SPOCK1: variants seen among roughly 807,000 people sequenced by gnomAD.
SPOCK1 encodes testican-1.
In SPOCK1, 23 loss-of-function variants were observed where a neutral mutation model predicts 55.3. The observed-to-expected ratio is 0.42, with a 90% confidence interval of 0.30 to 0.59. The LOEUF (loss-of-function observed/expected upper bound fraction) is 0.59. Among genes scored for constraint, SPOCK1 ranks in the 20% least tolerant of loss-of-function variants. The pLI is 0.22. For synonymous variants in SPOCK1, 226 were observed against 221.0 expected, an observed-to-expected ratio of 1.02 and a Z score of -0.20; for missense variants, 499 against 552.5, an observed-to-expected ratio of 0.90 and a Z score of 0.97.
At chr5:137,254,725 G>C (rs1756601254) in intron 3 of SPOCK1, among the ~76,000 whole-genome samples, 1 of 152,176 alleles carries the variant, frequency 6.6e-6, no homozygotes, top group Non-Finnish European at 1.5e-5. Flanking sequence ...TCCATCATTT[G>C]CCTGTGGGGT....
intron 3 of SPOCK1, among the ~76,000 whole-genome samples, chr5:137,217,638 A>G (rs2127085667): frequency 2.0e-5 from 3 of 152,366 alleles, no homozygotes; most frequent in Middle Eastern, 6.8e-3. Context: ...TGGCAAAGTC[A>G]GCCACTGTTA....
chr5:137,081,347 A>C (rs1454822792), intron 5 of SPOCK1, among the ~76,000 whole-genome samples: 5 of 152,244 alleles, frequency 3.3e-5, no homozygotes, highest in African/African-American at 1.2e-4. Flanking sequence ...GAGAGGCAGT[A>C]TTCCATCCCT....
chr5:136,999,642 G>A (rs1255557240), intron 6 of SPOCK1, among the ~76,000 whole-genome samples: 4 of 152,152 alleles, frequency 2.6e-5, no homozygotes, highest in African/African-American at 9.7e-5. Context: ...GGAAGAAAAG[G>A]AAACAATCAG....
intron 2 of SPOCK1, among the ~76,000 whole-genome samples, chr5:137,384,563 C>CATATATATATATATATATATAT (rs368458010): frequency 4.5e-5 from 6 of 133,472 alleles, no homozygotes; most frequent in African/African-American, 2.1e-4. Flanking sequence ...TACATACATA[C>CATATATATATATATATATATAT]ATATATATAT....
rs377143208 is a variant in SPOCK1 at position 137,153,671 on chromosome 5, T to G, written c.233-12977A>C. On this transcript the variant is annotated intron_variant, in intron 3 of 10. Coordinates refer to ENST00000394945, the MANE Select transcript of SPOCK1 (RefSeq NM_004598.4). ...GAGTTCAAGACCAGCCTGGGCAACA[T>G]AGCAAAACCCTGTCTCTACAAAATT... Among the ~76,000 whole-genome samples the G allele has an allele frequency of 2.1e-4, 32 of 151,306 alleles. 2 individuals are homozygous for G. Among genetic ancestry groups the G allele is most frequent in the Admixed American group, 1.2e-3 (19 of 15,228 alleles).
chr5:137,498,265 AC>A, intron 2 of SPOCK1, 107 bp downstream of exon 2: 1 of 915,210 alleles, frequency 1.1e-6, no homozygotes. Context: ...CCCCCTCCCA[AC>A]CACACACACA....
At chr5:137,425,444 G>A (rs1210002200) in intron 2 of SPOCK1, among the ~76,000 whole-genome samples, 3 of 151,334 alleles carry the variant, frequency 2.0e-5, no homozygotes, top group African/African-American at 7.3e-5. Flanking sequence ...AAATCCTGCT[G>A]ACAAATTCAT....
At chr5:137,424,158 T>C (rs774969702) in intron 2 of SPOCK1, among the ~76,000 whole-genome samples, 5 of 152,006 alleles carry the variant, frequency 3.3e-5, no homozygotes, top group Non-Finnish European at 5.9e-5. Flanking sequence ...GGCAGGAGGA[T>C]TGCTTTAAGT....
chr5:137,498,370 C>T lies in SPOCK1; in HGVS notation c.186+3G>A. 1.3e-6 allele frequency: 2 copies of T among 1,592,944 alleles called. No homozygotes were observed. Among genetic ancestry groups the T allele is most frequent in the South Asian group, 1.1e-5 (1 of 88,438 alleles). The stretch of plus-strand genomic sequence containing the variant: ...CCCAGGGCCGGGTGGCGCCGGTACT[C>T]ACGTCTCGAAAGCGGTTCCAGTACT... On this transcript the variant is annotated splice_donor_region_variant and intron_variant, in intron 2 of 10. Transcript: ENST00000394945.
intron 3 of SPOCK1, among the ~76,000 whole-genome samples, chr5:137,173,218 A>C (rs559550987): frequency 1.1e-4 from 16 of 152,216 alleles, no homozygotes; most frequent in African/African-American, 3.9e-4. Flanking sequence ...CCAAGTCTTC[A>C]AGGAGTGACT....
chr5:137,465,448 A>G (rs986794349), intron 2 of SPOCK1, among the ~76,000 whole-genome samples: 7 of 152,196 alleles, frequency 4.6e-5, no homozygotes, highest in African/African-American at 1.7e-4. Flanking sequence ...ATATAAGCTT[A>G]TAATTTCTAA....
intron 3 of SPOCK1, among the ~76,000 whole-genome samples, chr5:137,167,562 T>G (rs1008610466): frequency 6.6e-6 from 1 of 152,092 alleles, no homozygotes; most frequent in Non-Finnish European, 1.5e-5. Context: ...GGACCTTTTT[T>G]GTTAGGTCAC....
At chr5:137,162,060 C>T (rs1194904281) in intron 3 of SPOCK1, among the ~76,000 whole-genome samples, 1 of 151,674 alleles carries the variant, frequency 6.6e-6, no homozygotes, top group East Asian at 1.9e-4. Flanking sequence ...CTTTCTTTTC[C>T]TCCCTCCCTA....
At chr5:137,005,039 G>T (rs1042127706) in intron 6 of SPOCK1, among the ~76,000 whole-genome samples, 3 of 152,222 alleles carry the variant, frequency 2.0e-5, no homozygotes, top group Non-Finnish European at 2.9e-5. Flanking sequence ...TAGGCAAGAG[G>T]CTTGCCATAA....
intron 4 of SPOCK1, among the ~76,000 whole-genome samples, chr5:137,116,604 C>A (rs1259051059): frequency 1.3e-5 from 2 of 151,854 alleles, no homozygotes; most frequent in South Asian, 4.2e-4. Context: ...CGAGATCATA[C>A]CACTGCACTC....
At chr5:137,024,612 A>G (rs979384471) in intron 6 of SPOCK1, among the ~76,000 whole-genome samples, 42 of 150,320 alleles carry the variant, frequency 2.8e-4, no homozygotes, top group African/African-American at 9.5e-4. Flanking sequence ...TGACATGTAA[A>G]AAAAAAAAAA....
intron 2 of SPOCK1, among the ~76,000 whole-genome samples, chr5:137,308,685 A>T (rs1757742319): frequency 6.6e-6 from 1 of 152,152 alleles, no homozygotes; most frequent in African/African-American, 2.4e-5. Flanking sequence ...CTGTGTAACC[A>T]ATTCCCTGTA....
chr5:137,430,432 G>A (rs904395397), intron 2 of SPOCK1, among the ~76,000 whole-genome samples: 3 of 152,126 alleles, frequency 2.0e-5, no homozygotes, highest in Non-Finnish European at 4.4e-5. Flanking sequence ...TGATGCTTCA[G>A]CCAATTCTGT....
intron 4 of SPOCK1, among the ~76,000 whole-genome samples, chr5:137,133,009 G>A (rs537598694): frequency 1.2e-4 from 19 of 152,268 alleles, no homozygotes; most frequent in Middle Eastern, 3.4e-3. Context: ...ATGAAAAATG[G>A]GAAAACAAGG....
Sources: gnomAD v4.1 joint callset for allele counts (sites outside exome capture counted in the v4.1 genomes callset) on GRCh38, gnomAD v4.1.1 for gene constraint, MANE v1.5 for transcripts, NCBI Gene and HGNC (gene_info 2026-07-23, HGNC 2026-07-21) for gene names.